PHF14: variants seen among roughly 807,000 people sequenced by gnomAD.
The protein encoded by PHF14 is PHD finger protein 14.
Under a neutral mutation model 117.9 loss-of-function variants are expected in PHF14, and 55 were observed. The ratio of observed to expected loss-of-function variants is 0.47; its 90% CI spans 0.38 to 0.58. PHF14 has a LOEUF of 0.58. Ranked by LOEUF, PHF14 falls within the 20% of genes least tolerant of loss-of-function variation. PHF14 has a pLI of 0.00. For synonymous variants in PHF14, 409 were observed against 368.6 expected, an observed-to-expected ratio of 1.11 and a Z score of -1.26; for missense variants, 978 against 1,122.2, an observed-to-expected ratio of 0.87 and a Z score of 1.84.
At chr7:11,046,042 A>T (rs73678570) in intron 13 of PHF14, among the ~76,000 whole-genome samples, 2,149 of 152,306 alleles carry the variant, frequency 0.014, 57 homozygotes, top group African/African-American at 0.049. Context: ...AAAGAATATT[A>T]TTAATAGGTG....
intron 16 of PHF14, among the ~76,000 whole-genome samples, chr7:11,067,622 A>G (rs920713191): frequency 5.3e-5 from 8 of 152,210 alleles, no homozygotes; most frequent in Non-Finnish European, 1.0e-4. Flanking sequence ...CTCTTAGTCC[A>G]TTTTATGTTG....
chr7:11,090,777 T>C (rs766441339), intron 16 of PHF14, among the ~76,000 whole-genome samples: 1 of 152,216 alleles, frequency 6.6e-6, no homozygotes, highest in Non-Finnish European at 1.5e-5. Context: ...AGAGGGTTTA[T>C]AAGAGACAGA....
chr7:11,065,499 T>C (rs1489217513), intron 16 of PHF14, among the ~76,000 whole-genome samples: 2 of 152,168 alleles, frequency 1.3e-5, no homozygotes, highest in Admixed American at 6.5e-5. Context: ...GTCACTATTA[T>C]AATTTAATTC....
intron 7 of PHF14, among the ~76,000 whole-genome samples, chr7:11,029,869 T>C (rs905994150): frequency 2.0e-5 from 3 of 152,098 alleles, no homozygotes; most frequent in African/African-American, 4.8e-5. Context: ...TTTTCTTTTA[T>C]TGGGTAAATT....
chr7:11,072,947 A>C (rs1052154396), intron 16 of PHF14, among the ~76,000 whole-genome samples: 2 of 152,280 alleles, frequency 1.3e-5, no homozygotes, highest in South Asian at 4.1e-4. Context: ...GCTTATTCCC[A>C]TGGGTTTAGT....
At chr7:11,153,394 T>G (rs1233120793) in intron 17 of PHF14, among the ~76,000 whole-genome samples, 1 of 151,998 alleles carries the variant, frequency 6.6e-6, no homozygotes, top group Admixed American at 6.6e-5. Context: ...TCTTTTTTAG[T>G]GGGGGTAGGG....
chr7:11,129,865 T>C lies in PHF14; in HGVS notation c.2772+18398T>C, dbSNP rs117841431. ...ATTAAGAAGTATAGGTAAGGTACAG[T>C]GGGAATTTTGAGAGTAGGATGATTG... is the stretch of plus-strand genomic sequence containing the variant. On this transcript the variant is annotated intron_variant, in intron 17 of 17. Coordinates refer to ENST00000634607, the MANE Select transcript of PHF14 (RefSeq NM_001007157.2). 6.6e-3 allele frequency among the ~76,000 whole-genome samples: 997 copies of C among 152,060 alleles called. 11 individuals are homozygous for C. Among genetic ancestry groups the C allele is most frequent in the Middle Eastern group, 0.017 (5 of 294 alleles).
chr7:11,074,689 A>C (rs530306002), intron 16 of PHF14, among the ~76,000 whole-genome samples: 3 of 152,292 alleles, frequency 2.0e-5, no homozygotes, highest in Admixed American at 6.5e-5. Flanking sequence ...AATATAGCCA[A>C]GTTCTTTGCT....
intron 16 of PHF14, among the ~76,000 whole-genome samples, chr7:11,082,429 GT>G (rs2128336567): frequency 6.6e-6 from 1 of 152,234 alleles, no homozygotes; most frequent in Admixed American, 6.5e-5. Flanking sequence ...CTTTTTGTTT[GT>G]CTATCCTAAA....
chr7:11,052,419 T>C (rs1784876477), intron 14 of PHF14, among the ~76,000 whole-genome samples: 1 of 152,204 alleles, frequency 6.6e-6, no homozygotes, highest in Non-Finnish European at 1.5e-5. Flanking sequence ...TTTTCATGTT[T>C]TTCTATTCTA....
At chr7:11,046,476 T>G (rs1784668036) in intron 13 of PHF14, among the ~76,000 whole-genome samples, 1 of 152,192 alleles carries the variant, frequency 6.6e-6, no homozygotes, top group African/African-American at 2.4e-5. Context: ...ACTCAAACCC[T>G]TCTAGGAATA....
chr7:11,154,857 A>C (rs553665041), intron 17 of PHF14, among the ~76,000 whole-genome samples: 40 of 152,174 alleles, frequency 2.6e-4, no homozygotes, highest in Non-Finnish European at 5.3e-4. Context: ...GCTGTCTATG[A>C]ATAATACAAT....
chr7:11,090,915 A>G (rs147130332), intron 16 of PHF14, among the ~76,000 whole-genome samples: 4 of 152,334 alleles, frequency 2.6e-5, no homozygotes, highest in African/African-American at 9.6e-5. Context: ...GGTAGCAGTC[A>G]TTCAAGGGAA....
chr7:11,106,756 A>T, intron 16 of PHF14: 1 of 984,104 alleles, frequency 1.0e-6, no homozygotes. Flanking sequence ...CATTCTTGTG[A>T]TGGAATTTTT....
At position 11,168,778 on chromosome 7, in the gene PHF14, G is replaced by C. The variant is rs546737009; in HGVS notation, c.2773-638G>C. Among the ~76,000 whole-genome samples the C allele has an allele frequency of 2.6e-5, 4 of 152,058 alleles. No individual in the cohort carries two copies. The South Asian group carries it at 8.3e-4, about 31-fold the overall frequency. On this transcript the variant is annotated intron_variant, in intron 17 of 17. Transcript: ENST00000634607. ...GACTCTCATTGCTTATACTTTGAAG[G>C]TTACCATTTAATACTGAACACAAGA...
At chr7:11,056,721 T>C (rs1785032457) in intron 14 of PHF14, among the ~76,000 whole-genome samples, 1 of 150,240 alleles carries the variant, frequency 6.7e-6, no homozygotes, top group Admixed American at 6.6e-5. Context: ...TGTATATGTA[T>C]AATTTTATAT....
At chr7:11,060,566 G>A (rs141283054) in intron 14 of PHF14, among the ~76,000 whole-genome samples, 9 of 152,204 alleles carry the variant, frequency 5.9e-5, no homozygotes, top group Non-Finnish European at 1.3e-4. Flanking sequence ...TCAGTGTGTC[G>A]GAGTCAGCCT....
Position 11,062,035 on chromosome 7 carries a change from A to C in PHF14, c.2604A>C (p.Arg868Ser), listed in dbSNP as rs749653514. 6.2e-7 allele frequency: 1 copy of C among 1,607,826 alleles called. No individual in the cohort carries two copies. The highest frequency in any genetic ancestry group is 8.5e-7 in the Non-Finnish European group (1 of 1,176,696). ...LQKKPKAEDL[R>S]TECATCKGTG... ...AGAAGCCCAAGGCTGAAGATTTAAG[A>C]ACTGAATGTGCAACTTGCAAGGGAA... Residue 868 changes from arginine (R) to serine (S), a missense_variant, in exon 16 of 18, where the codon AGA becomes AGC. By Grantham distance (110) the Arg-to-Ser change is moderately radical. Around this residue, in one of 7 missense-constraint regions of PHF14, gnomAD observed 180 missense variants for 195.4 expected, o/e 0.92. Coordinates refer to ENST00000634607, the MANE Select transcript of PHF14 (RefSeq NM_001007157.2).
intron 5 of PHF14, among the ~76,000 whole-genome samples, chr7:11,021,169 T>C (rs1247799110): frequency 6.6e-6 from 1 of 152,370 alleles, no homozygotes; most frequent in South Asian, 2.1e-4. Context: ...GTTAATAGTT[T>C]GTGCTAGGAT....
Sources: allele counts gnomAD v4.1 joint callset (sites outside exome capture counted in the v4.1 genomes callset), GRCh38; gene constraint gnomAD v4.1.1; regional missense constraint gnomAD v4.1.1; transcripts MANE v1.5; gene names NCBI Gene and HGNC (gene_info 2026-07-23, HGNC 2026-07-21).